The following SYTL4 variants were observed in gnomAD, a reference collection of about 807,000 sequenced individuals.
SYTL4 encodes the protein synaptotagmin like 4, also known as synaptotagmin-like protein 4.
A neutral mutation model predicts 52.7 loss-of-function variants in SYTL4; 16 were observed. That is an observed-to-expected ratio of 0.30 (90% CI 0.21 to 0.46). The LOEUF (loss-of-function observed/expected upper bound fraction) is 0.46, where lower values mean the gene tolerates loss of function less well. Among genes scored for constraint, SYTL4 ranks in the 20% least tolerant of loss-of-function variants. The pLI, the probability that SYTL4 is intolerant of heterozygous loss-of-function variation, is 1.00. For missense variants in SYTL4, 423 were observed against 519.9 expected, an observed-to-expected ratio of 0.81 and a Z score of 1.81; for synonymous variants, 160 against 186.6, an observed-to-expected ratio of 0.86 and a Z score of 1.16.
chrX:100,710,537 A>G (rs967822073), intron 2 of SYTL4, among the ~76,000 whole-genome samples: 1 of 112,278 alleles, frequency 8.9e-6, no homozygotes, highest in Non-Finnish European at 1.9e-5. Flanking sequence ...ATAAAATGTC[A>G]AGGTGGAATG....
At chrX:100,716,484 AGT>A (rs2084220215) in intron 2 of SYTL4, among the ~76,000 whole-genome samples, 4 of 79,874 alleles carry the variant, frequency 5.0e-5, no homozygotes, top group East Asian at 3.9e-4. Flanking sequence ...AAAAAAAAAA[AGT>A]TGATTTTAGA....
At chrX:100,716,890 C>T (rs957474565) in intron 2 of SYTL4, among the ~76,000 whole-genome samples, 3 of 111,934 alleles carry the variant, frequency 2.7e-5, no homozygotes, top group Non-Finnish European at 5.6e-5. Flanking sequence ...TATAAAGCTG[C>T]TAAGTCTGGC....
chrX:100,691,322 T>C, intron 8 of SYTL4, 113 bp from the exon 9 acceptor site: 1 of 490,342 alleles, frequency 2.0e-6, no homozygotes, highest in East Asian at 3.7e-5. Flanking sequence ...CTAAAATAAA[T>C]ATGAGTATAC....
At chrX:100,682,235 C>T (rs1337045001) in intron 16 of SYTL4, among the ~76,000 whole-genome samples, 1 of 111,790 alleles carries the variant, frequency 8.9e-6, no homozygotes, top group Non-Finnish European at 1.9e-5. Context: ...AACTTATCCT[C>T]GTTTCCTCTA....
intron 2 of SYTL4, among the ~76,000 whole-genome samples, chrX:100,722,956 T>C (rs1260777605): frequency 9.0e-6 from 1 of 111,525 alleles, no homozygotes; most frequent in African/African-American, 3.3e-5. Context: ...ATTTTTAACA[T>C]AGCCATTTCA....
At chrX:100,725,194 C>G (rs1267630987) in intron 2 of SYTL4, among the ~76,000 whole-genome samples, 1 of 111,385 alleles carries the variant, frequency 9.0e-6, no homozygotes, top group African/African-American at 3.3e-5. Context: ...CACAGGAGAT[C>G]AAAAGGGAAT....
intron 16 of SYTL4, among the ~76,000 whole-genome samples, chrX:100,683,291 C>T (rs4828046): frequency 4.6e-5 from 5 of 108,901 alleles, no homozygotes; most frequent in Admixed American, 9.9e-5. Context: ...GGACTACAGG[C>T]GCACACCACC....
At chrX:100,723,632 C>A (rs188570035) in intron 2 of SYTL4, among the ~76,000 whole-genome samples, 1 of 105,938 alleles carries the variant, frequency 9.4e-6, no homozygotes, top group African/African-American at 3.5e-5. Context: ...CCCATCTAGG[C>A]AGTGAGGAGC....
chrX:100,695,527 G>A (rs1341059935), intron 8 of SYTL4, among the ~76,000 whole-genome samples: 2 of 111,203 alleles, frequency 1.8e-5, no homozygotes, highest in Admixed American at 1.9e-4. Flanking sequence ...AAAGAAAAAA[G>A]GGGGCCTCAT....
chrX:100,714,049 GAT>G (rs2084136203), intron 2 of SYTL4, among the ~76,000 whole-genome samples: 1 of 110,987 alleles, frequency 9.0e-6, no homozygotes, highest in African/African-American at 3.3e-5. Flanking sequence ...TAATTCTGGT[GAT>G]AGTTTCATGG....
chrX:100,701,337 G>T lies in SYTL4; in HGVS notation c.327-8C>A, dbSNP rs753246668. Reference sequence around the variant, plus strand: ...GTTGCTTTCTTCAACTCTCTGGGAAGAAATAAAAGAAAATGACAGATGGAT... The same window carrying T: ...GTTGCTTTCTTCAACTCTCTGGGAATAAATAAAAGAAAATGACAGATGGAT... On this transcript the variant is annotated splice_region_variant and splice_polypyrimidine_tract_variant and intron_variant, in intron 6 of 19. Transcript: ENST00000372989. The T allele has an allele frequency of 4.4e-5, 52 of 1,184,899 alleles. No homozygotes were observed. Among genetic ancestry groups the T allele is most frequent in the Non-Finnish European group, 5.8e-5 (51 of 872,269 alleles).
At chrX:100,686,274 T>G (rs989914838) in intron 15 of SYTL4, 123 bp from the exon 16 acceptor site, 1 of 689,015 alleles carries the variant, frequency 1.5e-6, no homozygotes, top group Admixed American at 4.1e-5. Flanking sequence ...TACTTTATGT[T>G]CCCTGAGCAC....
At chrX:100,721,051 T>G (rs1168373582) in intron 2 of SYTL4, among the ~76,000 whole-genome samples, 1 of 111,816 alleles carries the variant, frequency 8.9e-6, no homozygotes, top group East Asian at 2.8e-4. Flanking sequence ...ACATGCATTA[T>G]CAACATCTGG....
chrX:100,683,207 C>T (rs138910870), intron 16 of SYTL4, among the ~76,000 whole-genome samples: 1,512 of 97,731 alleles, frequency 0.015, 39 homozygotes, highest in African/African-American at 0.056. Flanking sequence ...AATGCAATGG[C>T]GCAATCTCGG....
intron 19 of SYTL4, 143 bp downstream of exon 19, chrX:100,678,248 A>G (rs980216103): frequency 7.6e-5 from 36 of 470,645 alleles, no homozygotes; most frequent in Non-Finnish European, 1.1e-4. Context: ...TAGGCACTCA[A>G]TAAGTATTGG....
intron 16 of SYTL4, among the ~76,000 whole-genome samples, chrX:100,681,605 A>C (rs1251397211): frequency 8.9e-6 from 1 of 111,805 alleles, no homozygotes; most frequent in Non-Finnish European, 1.9e-5. Flanking sequence ...ACTAGATTCC[A>C]AATACTCTCA....
chrX:100,697,545 C>A (rs1165744085), intron 8 of SYTL4, among the ~76,000 whole-genome samples: 2 of 111,434 alleles, frequency 1.8e-5, no homozygotes, highest in African/African-American at 6.5e-5. Context: ...GGATGAAGAA[C>A]CGAGTCTGGA....
intron 13 of SYTL4, chrX:100,687,526 G>A (rs940967223): frequency 1.2e-5 from 4 of 328,966 alleles, no homozygotes; most frequent in Admixed American, 1.0e-4. Flanking sequence ...CCTGCCCCAG[G>A]AGGTGGGCAG....
At chrX:100,721,208 G>T (rs1315793517) in intron 2 of SYTL4, among the ~76,000 whole-genome samples, 4 of 111,515 alleles carry the variant, frequency 3.6e-5, no homozygotes, top group Non-Finnish European at 7.5e-5. Flanking sequence ...AGTTCTAAGG[G>T]GAAAAGAGGT....
Sources: allele counts gnomAD v4.1 joint callset (sites outside exome capture counted in the v4.1 genomes callset), GRCh38; gene constraint gnomAD v4.1.1; transcripts MANE v1.5; gene names NCBI Gene and HGNC (gene_info 2026-07-23, HGNC 2026-07-21).